KTN1: variants seen among roughly 807,000 people sequenced by gnomAD.
KTN1 encodes the protein kinectin 1, also known as kinectin.
Under a neutral mutation model 222.5 loss-of-function variants are expected in KTN1, and 130 were observed. The observed-to-expected ratio is 0.58, with a 90% CI of 0.51 to 0.68. KTN1 has a LOEUF of 0.68. Ranked by LOEUF, KTN1 falls within the 30% of genes least tolerant of loss-of-function variation. KTN1 has a pLI of 0.00. For synonymous variants in KTN1, 512 were observed against 496.3 expected, an observed-to-expected ratio of 1.03 and a Z score of -0.42; for missense variants, 1,508 against 1,500.4, an observed-to-expected ratio of 1.01 and a Z score of -0.08.
Position 55,641,704 on chromosome 14 carries a change from CA to C in KTN1, c.2120del (p.Asn707ThrfsTer4). On this transcript the variant is annotated frameshift_variant, in exon 18 of 44. Coordinates refer to ENST00000395314, the MANE Select transcript of KTN1 (RefSeq NM_001079521.2). LOFTEE classifies it high-confidence loss of function. ...CTCTTTCTTCCAGATTCTAAATGAC[CA>C]AAACAAAGCATTAAAATCAGAAGTT... ...KMEEFKILND[Q>X]NKALKSEVQK... 1 of 1,597,216 alleles carries C rather than the reference CA, an allele frequency of 6.3e-7. No individual in the cohort carries two copies.
intron 19 of KTN1, 35 bp from the exon 20 acceptor site, chr14:55,647,988 AAT>A: frequency 1.3e-6 from 1 of 774,230 alleles, no homozygotes; most frequent in Non-Finnish European, 1.9e-6. Flanking sequence ...AACTTTGAAA[AAT>A]AGTTAATACA....
At chr14:55,661,857 C>T (rs952241701) in intron 32 of KTN1, 4 of 273,560 alleles carry the variant, frequency 1.5e-5, no homozygotes, top group Admixed American at 1.0e-4. Context: ...AATTATTATA[C>T]CTTTAGTTAT....
chr14:55,649,152 C>T (rs1393679991), intron 21 of KTN1, among the ~76,000 whole-genome samples: 1 of 152,100 alleles, frequency 6.6e-6, no homozygotes, highest in East Asian at 1.9e-4. Flanking sequence ...GTCACAAACT[C>T]CTGGCCTCAA....
chr14:55,678,750 G>A (rs113139198), intron 42 of KTN1: 35 of 298,074 alleles, frequency 1.2e-4, no homozygotes, highest in Middle Eastern at 1.0e-3. Context: ...GACCATTGCC[G>A]CCTGAGCTCT....
Position 55,661,570 on chromosome 14 carries a change from T to G in KTN1, c.3048T>G (p.Asp1016Glu). 6.2e-7 allele frequency: 1 copy of G among 1,604,268 alleles called. No homozygotes were observed. The highest frequency in any genetic ancestry group is 2.2e-5 in the East Asian group (1 of 44,658). The change falls in exon 32 of 44, where the codon GAT becomes GAG. Residue 1016 changes from aspartate to glutamate, a missense_variant. Transcript: ENST00000395314. The stretch of plus-strand genomic sequence containing the variant: ...TAAGTGGTCTCTGGAATGAGTTAGA[T>G]TCTTTGAAGGATGCAGTTGAACACC... ...KEISGLWNEL[D>E]SLKDAVEHQR...
In KTN1 at chr14:55,632,388, A is replaced by T. The variant is rs1023934775; in HGVS notation, c.1222-847A>T. Among the ~76,000 whole-genome samples the T allele has an allele frequency of 2.6e-5, 4 of 152,346 alleles. No homozygotes were observed. The South Asian group carries it at 8.3e-4, about 32-fold the overall frequency. The stretch of plus-strand genomic sequence containing the variant: ...CCTTAATAAGCAACAGTTTCTTTTG[A>T]AAGAATTATTAATAAGATTATTTCA... On this transcript the variant is annotated intron_variant, in intron 7 of 43. Coordinates refer to ENST00000395314, the MANE Select transcript of KTN1 (RefSeq NM_001079521.2).
At chr14:55,633,865 G>A (rs1381267418) in intron 8 of KTN1, among the ~76,000 whole-genome samples, 2 of 152,132 alleles carry the variant, frequency 1.3e-5, no homozygotes, top group Non-Finnish European at 2.9e-5. Flanking sequence ...CGGGCCGGGT[G>A]TGGTGGTTCA....
At chr14:55,602,334 A>G (rs1394188283) in intron 1 of KTN1, among the ~76,000 whole-genome samples, 1 of 152,210 alleles carries the variant, frequency 6.6e-6, no homozygotes, top group Non-Finnish European at 1.5e-5. Flanking sequence ...TAGACATGGT[A>G]CTTGAGCTGG....
At chr14:55,669,717 A>G (rs980554665) in intron 34 of KTN1, among the ~76,000 whole-genome samples, 6 of 151,956 alleles carry the variant, frequency 3.9e-5, no homozygotes, top group Admixed American at 1.3e-4. Flanking sequence ...GATAGTGTAC[A>G]TTTAGTCTTG....
chr14:55,622,721 G>A (rs2039323052), intron 5 of KTN1, among the ~76,000 whole-genome samples: 1 of 152,090 alleles, frequency 6.6e-6, no homozygotes, highest in East Asian at 1.9e-4. Context: ...CCAGATTGAT[G>A]TTTCTGCTTT....
chr14:55,616,561 A>C lies in KTN1; in HGVS notation c.568A>C (p.Arg190=). The part of the protein sequence containing the change: ...KVETLMVPSK[R]QEALPLHQET... ...GGAAACTCTCATGGTACCATCAAAA[A>C]GGCAAGAAGCATTGCCCCTCCACCA... Residue 190 remains arginine, a synonymous_variant, in exon 3 of 44, where the codon AGG becomes CGG. Coordinates refer to ENST00000395314, the MANE Select transcript of KTN1 (RefSeq NM_001079521.2). 5 of 1,604,536 alleles carry C rather than the reference A, an allele frequency of 3.1e-6. No homozygotes were observed. Among genetic ancestry groups the C allele is most frequent in the Non-Finnish European group, 4.2e-6 (5 of 1,177,494 alleles).
intron 2 of KTN1, among the ~76,000 whole-genome samples, chr14:55,612,902 G>GAAA (rs55992309): frequency 6.1e-5 from 9 of 148,720 alleles, no homozygotes; most frequent in Admixed American, 6.0e-4. Flanking sequence ...GAAATTAAAA[G>GAAA]AAAAAAAAAA....
At chr14:55,586,627 A>G (rs190619666) in intron 1 of KTN1, among the ~76,000 whole-genome samples, 4 of 152,266 alleles carry the variant, frequency 2.6e-5, no homozygotes, top group Admixed American at 6.5e-5. Flanking sequence ...AACGCTGTCC[A>G]TGTGCAGCTG....
intron 12 of KTN1, 26 bp downstream of exon 12, chr14:55,637,873 G>A: frequency 6.4e-7 from 1 of 1,570,588 alleles, no homozygotes; most frequent in Non-Finnish European, 8.7e-7. Flanking sequence ...TATTGCTTAT[G>A]ATTAATAACT....
At chr14:55,621,361 C>G (rs2039109812) in intron 5 of KTN1, among the ~76,000 whole-genome samples, 1 of 152,160 alleles carries the variant, frequency 6.6e-6, no homozygotes, top group African/African-American at 2.4e-5. Flanking sequence ...ATCTTTACAG[C>G]AGTTCCTCAC....
chr14:55,628,876 G>A (rs997292046), intron 6 of KTN1, among the ~76,000 whole-genome samples: 2 of 152,110 alleles, frequency 1.3e-5, no homozygotes, highest in South Asian at 4.1e-4. Context: ...CTTATGATGT[G>A]TATACTTCTA....
chr14:55,616,240 G>T (rs1260754631), intron 2 of KTN1, among the ~76,000 whole-genome samples: 2 of 152,030 alleles, frequency 1.3e-5, no homozygotes, highest in African/African-American at 4.8e-5. Flanking sequence ...GTGAGCAGCT[G>T]CACCTTGCTG....
At position 55,679,572 on chromosome 14, in the gene KTN1, C is replaced by G. The variant is rs145173141; in HGVS notation, c.3956C>G (p.Ser1319Cys). The G allele has an allele frequency of 7.2e-5, 116 of 1,609,498 alleles. No homozygotes were observed. In the African/African-American group the frequency reaches 1.3e-3, roughly 19 times the overall value. Residue 1319 changes from serine (S) to cysteine (C), a missense_variant, in exon 43 of 44, where the codon TCT becomes TGT. Coordinates refer to ENST00000395314, the MANE Select transcript of KTN1 (RefSeq NM_001079521.2). Reference protein sequence around the residue: ...NSDVSPETESSEKETMSVSLN... With the variant: ...NSDVSPETESCEKETMSVSLN... Reference sequence around the variant, plus strand: ...CTTCCATCTTCTTTTTAGGAGTCTTCTGAGAAGGAGACAATGTCTGTAAGT... The same window carrying G: ...CTTCCATCTTCTTTTTAGGAGTCTTGTGAGAAGGAGACAATGTCTGTAAGT...
At position 55,679,679 on chromosome 14, in the gene KTN1, G is replaced by A. The variant is rs200347715; in HGVS notation, c.4063G>A (p.Val1355Met). The A allele has an allele frequency of 4.3e-6, 7 of 1,613,698 alleles. No homozygotes were observed. The highest frequency in any genetic ancestry group is 5.1e-6 in the Non-Finnish European group (6 of 1,179,852). ...QLTKEKEHYQVLE is the reference protein window; with the variant it reads ...QLTKEKEHYQMLE ...CACAAAGGAGAAAGAGCACTACCAG[G>A]TGTTAGGTAAGGACAACTGAAATAT... The change falls in exon 43 of 44, where the codon GTG becomes ATG. Residue 1355 changes from valine to methionine, a missense_variant. By Grantham distance (21) the Val-to-Met change is conservative. Transcript: ENST00000395314.
Sources: gnomAD v4.1 joint callset for allele counts (sites outside exome capture counted in the v4.1 genomes callset) on GRCh38, gnomAD v4.1.1 for gene constraint, MANE v1.5 for transcripts, NCBI Gene and HGNC (gene_info 2026-07-23, HGNC 2026-07-21) for gene names.